COL17A1: variants seen among roughly 807,000 people sequenced by gnomAD.
The protein encoded by COL17A1 is collagen alpha-1(XVII) chain.
COL17A1 carries 181 observed loss-of-function variants against 218.4 expected under a neutral mutation model. The ratio of observed to expected loss-of-function variants is 0.83; its 90% CI spans 0.73 to 0.94. The LOEUF (loss-of-function observed/expected upper bound fraction) is 0.94, where lower values mean the gene tolerates loss of function less well. Ranked by LOEUF, COL17A1 falls within the 40% of genes least tolerant of loss-of-function variation. The pLI, the probability that COL17A1 is intolerant of heterozygous loss-of-function variation, is 0.00. For synonymous variants in COL17A1, 721 were observed against 731.0 expected, an observed-to-expected ratio of 0.99 and a Z score of 0.22; for missense variants, 1,924 against 1,945.9, an observed-to-expected ratio of 0.99 and a Z score of 0.21.
intron 40 of COL17A1, 77 bp from the exon 41 acceptor site, chr10:104,040,076 G>A: frequency 6.6e-7 from 1 of 1,512,742 alleles, no homozygotes; most frequent in Non-Finnish European, 9.2e-7. Context: ...TGGAGGAGGG[G>A]ATAGGGGCTC....
chr10:104,032,940 C>G lies in COL17A1; in HGVS notation c.4323G>C (p.Gly1441=). The part of the protein sequence containing the change: ...QTYGAIQGPP[G]QKGEMGTPGP... ...CTGGAGTGCCCATCTCTCCTTTTTG[C>G]CCAGGGGGTCCTTGAATGGCTCCAT... The change falls in exon 54 of 56, where the codon GGG becomes GGC. Residue 1441 remains glycine (G), a synonymous_variant. Coordinates refer to ENST00000648076, the MANE Select transcript of COL17A1 (RefSeq NM_000494.4). 1 of 1,614,020 alleles carries G rather than the reference C, an allele frequency of 6.2e-7. No individual in the cohort carries two copies.
At chr10:104,054,877 A>G (rs2086504802) in intron 20 of COL17A1, 104 bp downstream of exon 20, 6 of 1,565,310 alleles carry the variant, frequency 3.8e-6, no homozygotes, top group Non-Finnish European at 4.4e-6. Context: ...TCTGTTGTCA[A>G]ATTACTTCTT....
chr10:104,038,401 C>T lies in COL17A1; in HGVS notation c.3070+5G>A. Reference sequence around the variant, plus strand: ...CCCCACGGCTTGCGGCGGCCAGCTACTCACTCTGCATGTACTCAGAGATGT... The same window carrying T: ...CCCCACGGCTTGCGGCGGCCAGCTATTCACTCTGCATGTACTCAGAGATGT... On this transcript the variant is annotated splice_donor_5th_base_variant and intron_variant, in intron 45 of 55. Coordinates refer to ENST00000648076, the MANE Select transcript of COL17A1 (RefSeq NM_000494.4). 6.2e-7 allele frequency: 1 copy of T among 1,613,718 alleles called. No homozygotes were observed. The highest frequency in any genetic ancestry group is 8.5e-7 in the Non-Finnish European group (1 of 1,180,000).
At chr10:104,054,271 T>C (rs564611698) in intron 20 of COL17A1, among the ~76,000 whole-genome samples, 153 bp from the exon 21 acceptor site, 1 of 152,344 alleles carries the variant, frequency 6.6e-6, no homozygotes, top group African/African-American at 2.4e-5. Context: ...AAACAACACA[T>C]AGTTTTAGTT....
chr10:104,036,667 C>G (rs774008135), intron 47 of COL17A1, 35 bp from the exon 48 acceptor site: 54 of 1,611,242 alleles, frequency 3.4e-5, no homozygotes, highest in Non-Finnish European at 4.5e-5. Flanking sequence ...AGGACCCACC[C>G]AGGCCATGGG....
At chr10:104,077,965 T>C (rs993787621) in intron 3 of COL17A1, among the ~76,000 whole-genome samples, 1 of 152,326 alleles carries the variant, frequency 6.6e-6, no homozygotes, top group Admixed American at 6.5e-5. Context: ...TCTGTGTTGC[T>C]GGTGTTCCAC....
At chr10:104,059,833 G>T (rs1472272759) in intron 14 of COL17A1, 115 bp from the exon 15 acceptor site, 26 of 1,148,322 alleles carry the variant, frequency 2.3e-5, no homozygotes, top group Middle Eastern at 1.9e-4. Context: ...GGTTAGACTG[G>T]TAAGAAGAGC....
At position 104,059,733 on chromosome 10, in the gene COL17A1, C is replaced by T; in HGVS notation, c.1142-15G>A. ...TGAAAAAGAAGCTATGTACAGAACC[C>T]ATTATAACCTGGCATATTCTCTTCT... On this transcript the variant is annotated splice_polypyrimidine_tract_variant and intron_variant, in intron 14 of 55. Coordinates refer to ENST00000648076, the MANE Select transcript of COL17A1 (RefSeq NM_000494.4). 5 of 1,612,758 alleles carry T rather than the reference C, an allele frequency of 3.1e-6. No homozygotes were observed. The highest frequency in any genetic ancestry group is 4.2e-6 in the Non-Finnish European group (5 of 1,178,830).
intron 5 of COL17A1, among the ~76,000 whole-genome samples, chr10:104,074,452 G>A (rs1228854197): frequency 6.6e-6 from 1 of 152,184 alleles, no homozygotes; most frequent in African/African-American, 2.4e-5. Flanking sequence ...TCTGGTCAAG[G>A]ACCTACTTCA....
intron 9 of COL17A1, among the ~76,000 whole-genome samples, chr10:104,066,653 C>T (rs186030704): frequency 1.1e-3 from 168 of 152,316 alleles, no homozygotes; most frequent in Non-Finnish European, 2.1e-3. Flanking sequence ...CTCCACTTTA[C>T]ATCTCACAAA....
At chr10:104,037,481 C>T (rs1439031352) in intron 46 of COL17A1, among the ~76,000 whole-genome samples, 155 bp downstream of exon 46, 1 of 152,122 alleles carries the variant, frequency 6.6e-6, no homozygotes, top group Non-Finnish European at 1.5e-5. Flanking sequence ...CTTGTTGACA[C>T]TGTATCCCAG....
Position 104,036,662 on chromosome 10 carries a change from C to T in COL17A1, c.3278-30G>A, listed in dbSNP as rs1361200521. 6 of 1,611,666 alleles carry T rather than the reference C, an allele frequency of 3.7e-6. No individual in the cohort carries two copies. The South Asian group carries it at 6.6e-5, about 18-fold the overall frequency. ...AGAGGAGAGGATGCACTAGCAGGACCCACCCAGGCCATGGGGGTCGCAGCC... is the reference window on the plus strand; with the variant it reads ...AGAGGAGAGGATGCACTAGCAGGACTCACCCAGGCCATGGGGGTCGCAGCC... On this transcript the variant is annotated intron_variant, in intron 47 of 55. Transcript: ENST00000648076.
intron 33 of COL17A1, among the ~76,000 whole-genome samples, chr10:104,045,211 G>A (rs1449100151): frequency 2.0e-5 from 3 of 152,234 alleles, no homozygotes; most frequent in Admixed American, 6.5e-5. Context: ...TCAGACCCCC[G>A]AGGATGAGCT....
At chr10:104,039,232 C>T in intron 43 of COL17A1, 111 bp from the exon 44 acceptor site, 2 of 1,185,610 alleles carry the variant, frequency 1.7e-6, no homozygotes, top group Non-Finnish European at 2.5e-6. Context: ...GTCTCTTGGC[C>T]TCCTTTTTGT....
At chr10:104,033,107 G>T in intron 53 of COL17A1, 131 bp downstream of exon 53, 2 of 1,513,286 alleles carry the variant, frequency 1.3e-6, no homozygotes, top group South Asian at 1.2e-5. Context: ...AGAATTTATA[G>T]AATTTGTCTA....
In COL17A1 at chr10:104,081,301, T is replaced by C. The variant is rs187778879; in HGVS notation, c.-11-617A>G. 2.4e-3 allele frequency among the ~76,000 whole-genome samples: 360 copies of C among 152,300 alleles called. No homozygotes were observed. In the Middle Eastern group the frequency reaches 0.024, roughly 10 times the overall value. On this transcript the variant is annotated intron_variant, in intron 1 of 55. Coordinates refer to ENST00000648076, the MANE Select transcript of COL17A1 (RefSeq NM_000494.4). The stretch of plus-strand genomic sequence containing the variant: ...ATGTGCTTATCTGCAGACATAAGTA[T>C]GAAAAACAGTTCAAGAAAGCCTGTA...
intron 36 of COL17A1, 62 bp downstream of exon 36, chr10:104,042,358 C>T: frequency 6.4e-7 from 1 of 1,564,824 alleles, no homozygotes; most frequent in Non-Finnish European, 8.8e-7. Flanking sequence ...CCATGTCCAC[C>T]CTGAGAGGAA....
intron 1 of COL17A1, among the ~76,000 whole-genome samples, chr10:104,082,033 A>T (rs979421974): frequency 1.3e-5 from 2 of 152,212 alleles, no homozygotes; most frequent in Non-Finnish European, 2.9e-5. Context: ...ACCAAATGAG[A>T]CCAGCTGATC....
intron 4 of COL17A1, 128 bp from the exon 5 acceptor site, chr10:104,076,557 GC>G: frequency 8.2e-7 from 1 of 1,220,344 alleles, no homozygotes; most frequent in Non-Finnish European, 1.2e-6. Flanking sequence ...GCTGAAAGGG[GC>G]CACCTCAGCA....
Sources: allele counts gnomAD v4.1 joint callset (sites outside exome capture counted in the v4.1 genomes callset), GRCh38; gene constraint gnomAD v4.1.1; transcripts MANE v1.5; gene names NCBI Gene and HGNC (gene_info 2026-07-23, HGNC 2026-07-21).